Variants in SCTR observed in about 807,000 individuals in gnomAD.
The protein encoded by SCTR is secretin receptor, also known as pancreatic secretin receptor.
SCTR carries 56 observed loss-of-function variants against 60.8 expected under a neutral mutation model. The ratio of observed to expected loss-of-function variants is 0.92; its 90% CI spans 0.74 to 1.15. The LOEUF is 1.15. SCTR is among the 50% of genes most tolerant of loss of function. The pLI is 0.00. For missense variants in SCTR, 562 were observed against 550.4 expected (o/e 1.02, Z -0.21); for synonymous variants, 202 against 217.0 (o/e 0.93, Z 0.61).
At chr2:119,442,460 C>A (rs542126458) in intron 11 of SCTR, among the ~76,000 whole-genome samples, 1 of 152,338 alleles carries the variant, frequency 6.6e-6, no homozygotes, top group South Asian at 2.1e-4. Flanking sequence ...GATGGCCCAA[C>A]TCCTCCTCCC....
At chr2:119,446,401 C>T (rs952140930) in intron 11 of SCTR, among the ~76,000 whole-genome samples, 12 of 152,178 alleles carry the variant, frequency 7.9e-5, no homozygotes, top group African/African-American at 2.7e-4. Flanking sequence ...CCCACGCTCC[C>T]GCGAGGCTCA....
intron 1 of SCTR, among the ~76,000 whole-genome samples, chr2:119,503,429 G>A (rs886561143): frequency 3.3e-5 from 5 of 152,100 alleles, no homozygotes; most frequent in Non-Finnish European, 5.9e-5. Context: ...AATTAGCCTG[G>A]CATGGTGGCG....
chr2:119,520,895 A>G (rs1388244513), intron 1 of SCTR, among the ~76,000 whole-genome samples: 1 of 152,204 alleles, frequency 6.6e-6, no homozygotes, highest in East Asian at 1.9e-4. Context: ...CTGAAACATG[A>G]CAACCTTTAA....
At chr2:119,486,683 TG>T (rs1001257371) in intron 2 of SCTR, 1 of 152,248 alleles carries the variant, frequency 6.6e-6, no homozygotes, top group African/African-American at 2.4e-5. Flanking sequence ...TGTGCGATCC[TG>T]GGCCCCTTGG....
chr2:119,476,741 T>C (rs77279379), intron 3 of SCTR: 17,508 of 152,766 alleles, frequency 0.11, 1,323 homozygotes, highest in South Asian at 0.27. Flanking sequence ...AAGGGACGGC[T>C]GCAAAGGAGA....
chr2:119,466,440 T>C (rs1024902100), intron 4 of SCTR, among the ~76,000 whole-genome samples: 4 of 149,708 alleles, frequency 2.7e-5, no homozygotes, highest in Non-Finnish European at 4.4e-5. Flanking sequence ...TTCTCTTTCA[T>C]TTTCTCTATG....
rs1306790718 is a variant in SCTR at position 119,524,143 on chromosome 2, C to G, written c.72+12G>C. ...CTCGGGTCCCCAGCCTGCAGAAGGG[C>G]GCAGTACTCACCGAGTGCGCGGCGC... On this transcript the variant is annotated intron_variant, in intron 1 of 12. Coordinates refer to ENST00000019103, the MANE Select transcript of SCTR (RefSeq NM_002980.3). 8 of 1,541,282 alleles carry G rather than the reference C, an allele frequency of 5.2e-6. No individual in the cohort carries two copies. The African/African-American group carries it at 1.1e-4, about 21-fold the overall frequency.
rs781085942 is a variant in SCTR, at chr2:119,446,895, C to G, written c.1014-10G>C. ...GGACCTGGCCAGGCGCCTGGGGACA[C>G]AGAAAGCCTGTAGCCTCCACTCTGC... On this transcript the variant is annotated splice_polypyrimidine_tract_variant and intron_variant, in intron 10 of 12. Transcript: ENST00000019103. 2 of 1,497,552 alleles carry G rather than the reference C, an allele frequency of 1.3e-6. No individual in the cohort carries two copies. The highest frequency in any genetic ancestry group is 2.1e-5 in the Admixed American group (1 of 46,718). The allele number at this position is 1,497,552 out of a possible 1,614,324, so 92.8% of individuals were successfully genotyped here. A position where few individuals can be genotyped will look rare whatever the true frequency, so the allele number is the denominator to read the frequency against.
chr2:119,442,883 G>A (rs992632613), intron 11 of SCTR, among the ~76,000 whole-genome samples: 1 of 152,174 alleles, frequency 6.6e-6, no homozygotes, highest in African/African-American at 2.4e-5. Context: ...GGCAGGCTTT[G>A]AAATGAAACA....
At chr2:119,490,095 T>C (rs1678055259) in intron 2 of SCTR, among the ~76,000 whole-genome samples, 1 of 152,124 alleles carries the variant, frequency 6.6e-6, no homozygotes, top group South Asian at 2.1e-4. Flanking sequence ...CCAGACGCAG[T>C]TTCCGGGGGT....
chr2:119,490,264 T>C (rs1678062247), intron 2 of SCTR, among the ~76,000 whole-genome samples: 1 of 152,226 alleles, frequency 6.6e-6, no homozygotes, highest in Non-Finnish European at 1.5e-5. Context: ...TCCCTGTCCC[T>C]TGCGCAGTGG....
At chr2:119,454,908 T>C (rs964128282) in intron 7 of SCTR, among the ~76,000 whole-genome samples, 1 of 152,128 alleles carries the variant, frequency 6.6e-6, no homozygotes, top group Non-Finnish European at 1.5e-5. Context: ...TGATTATACA[T>C]TGAAATGATA....
intron 2 of SCTR, among the ~76,000 whole-genome samples, chr2:119,484,070 T>G (rs931815352): frequency 6.6e-6 from 1 of 152,102 alleles, no homozygotes; most frequent in Non-Finnish European, 1.5e-5. Flanking sequence ...ACTAGGGTCA[T>G]CCTGGGCAGT....
chr2:119,441,056 G>A lies in SCTR; in HGVS notation c.1182+502C>T, dbSNP rs539715799. On this transcript the variant is annotated intron_variant, in intron 12 of 12. Coordinates refer to ENST00000019103, the MANE Select transcript of SCTR (RefSeq NM_002980.3). ...AGGCTCGAGTCCTCAAAGTGAGTGT[G>A]CAGTCTCCCAAGGAGTCAGTGCTCA... Among the ~76,000 whole-genome samples, 73 of 152,318 alleles carry A rather than the reference G, an allele frequency of 4.8e-4. No individual in the cohort carries two copies. In the Middle Eastern group the frequency reaches 0.014, roughly 28 times the overall value.
At position 119,440,041 on chromosome 2, in the gene SCTR, G is replaced by T; in HGVS notation, c.*76C>A. The stretch of plus-strand genomic sequence containing the variant: ...ACACAGGGTGTCTGCTGGGAAGACT[G>T]GCTGTCCCACAGCAGTGCCCAGCCT... On this transcript the variant is annotated 3_prime_UTR_variant, in exon 13 of 13. Transcript: ENST00000019103. 1 of 1,467,768 alleles carries T rather than the reference G, an allele frequency of 6.8e-7. No homozygotes were observed. The highest frequency in any genetic ancestry group is 9.3e-7 in the Non-Finnish European group (1 of 1,072,652). 90.9% of individuals were successfully genotyped at this position (1,467,768 alleles called of 1,614,324 possible).
At position 119,499,103 on chromosome 2, in the gene SCTR, GC is replaced by G. The variant is rs148843969; in HGVS notation, c.73-4556del. Among the ~76,000 whole-genome samples, 658 of 151,568 alleles carry G rather than the reference GC, an allele frequency of 4.3e-3. 9 individuals carry two copies. The highest frequency in any genetic ancestry group is 0.015 in the African/African-American group (631 of 41,370). ...AATGTAAGATAAAGTACAGTGTAGA[GC>G]AAAAACAATAACCAGAAACAGAAAG... On this transcript the variant is annotated intron_variant, in intron 1 of 12. Coordinates refer to ENST00000019103, the MANE Select transcript of SCTR (RefSeq NM_002980.3).
chr2:119,474,304 C>A (rs1028350103), intron 3 of SCTR, among the ~76,000 whole-genome samples: 1 of 152,198 alleles, frequency 6.6e-6, no homozygotes, highest in Non-Finnish European at 1.5e-5. Context: ...GGATAAAGAG[C>A]CTGCCCTGAA....
rs200886032 is a variant in SCTR, at chr2:119,446,811, T to C, written c.1088A>G (p.Glu363Gly). The C allele has an allele frequency of 1.3e-4, 212 of 1,582,600 alleles. No homozygotes were observed. Among genetic ancestry groups the C allele is most frequent in the Non-Finnish European group, 1.8e-4 (205 of 1,163,424 alleles). Reference sequence around the variant, plus strand: ...AAACAGCTGGATCTCCATAGCGTCCTCTGGGGAGAAGGCGAAGACGATGTA... The same window carrying C: ...AAACAGCTGGATCTCCATAGCGTCCCCTGGGGAGAAGGCGAAGACGATGTA... ...IHYIVFAFSP[E>G]DAMEIQLFFE... The change falls in exon 11 of 13, where the codon GAG becomes GGG. Residue 363 changes from glutamate to glycine, a missense_variant. Glu to Gly is a moderately conservative substitution (Grantham distance 98). Transcript: ENST00000019103.
chr2:119,514,266 A>C (rs1345975851), intron 1 of SCTR, among the ~76,000 whole-genome samples: 1 of 152,148 alleles, frequency 6.6e-6, no homozygotes. Flanking sequence ...ATCCTATCCC[A>C]CTGATTAGAC....
Sources: gnomAD v4.1 joint callset for allele counts (sites outside exome capture counted in the v4.1 genomes callset) on GRCh38, gnomAD v4.1.1 for gene constraint, MANE v1.5 for transcripts, NCBI Gene and HGNC (gene_info 2026-07-23, HGNC 2026-07-21) for gene names.